FXR2: variants seen among roughly 807,000 people sequenced by gnomAD.
The protein encoded by FXR2 is FMR1 autosomal homolog 2.
Under a neutral mutation model 87.3 loss-of-function variants are expected in FXR2, and 9 were observed. The ratio of observed to expected loss-of-function variants is 0.10; its 90% CI spans 0.06 to 0.18. The LOEUF (loss-of-function observed/expected upper bound fraction) is 0.18. Among genes scored for constraint, FXR2 ranks in the 10% least tolerant of loss-of-function variants. FXR2 has a pLI of 1.00. For missense variants in FXR2, 661 were observed against 893.6 expected (o/e 0.74, Z 3.32); for synonymous variants, 331 against 328.3 (o/e 1.01, Z -0.09).
intron 6 of FXR2, among the ~76,000 whole-genome samples, chr17:7,602,287 C>T (rs1189270054): frequency 6.6e-5 from 10 of 151,892 alleles, no homozygotes; most frequent in African/African-American, 1.9e-4. Flanking sequence ...CCGGGCATGT[C>T]GGGCGCGGTG....
At chr17:7,609,935 T>C (rs59159128) in intron 1 of FXR2, among the ~76,000 whole-genome samples, 10,691 of 104,252 alleles carry the variant, frequency 0.1, 627 homozygotes, top group Non-Finnish European at 0.13. Flanking sequence ...TATATGTATA[T>C]ATATACATGT....
intron 1 of FXR2, among the ~76,000 whole-genome samples, chr17:7,607,380 CT>C (rs2071811605): frequency 2.0e-5 from 3 of 151,398 alleles, no homozygotes; most frequent in Admixed American, 2.0e-4. Context: ...CAAAGGTTTT[CT>C]CTTATGTCTT....
At chr17:7,607,686 C>T (rs1371262210) in intron 1 of FXR2, among the ~76,000 whole-genome samples, 2 of 152,142 alleles carry the variant, frequency 1.3e-5, no homozygotes, top group Admixed American at 6.6e-5. Context: ...GCCTCAGCCT[C>T]CCAAAGCTGG....
chr17:7,600,592 G>A (rs1194023914), intron 7 of FXR2, among the ~76,000 whole-genome samples: 2 of 152,148 alleles, frequency 1.3e-5, no homozygotes, highest in African/African-American at 4.8e-5. Context: ...GAGCCTAGAA[G>A]TTCAAGACCA....
rs375459323 is a variant in FXR2 at position 7,602,994 on chromosome 17, T to C, written c.458A>G (p.Asn153Ser). The change falls in exon 6 of 17, where the codon AAT becomes AGT. Residue 153 changes from asparagine to serine, a missense_variant. Asn to Ser is a conservative substitution (Grantham distance 46). Around this residue, in one of 3 missense-constraint regions of FXR2, gnomAD observed 170 missense variants for 247.2 expected, o/e 0.69. Coordinates refer to ENST00000250113, the MANE Select transcript of FXR2 (RefSeq NM_004860.4). ...VPEDLREACS[N>S]ENVHKEFKKA... Reference sequence around the variant, plus strand: ...CTTGAACTCTTTATGGACGTTTTCATTGGAGCAGCTGCAGAGGAAAAAAGT... The same window carrying C: ...CTTGAACTCTTTATGGACGTTTTCACTGGAGCAGCTGCAGAGGAAAAAAGT... 32 of 1,560,124 alleles carry C rather than the reference T, an allele frequency of 2.1e-5. No individual in the cohort carries two copies. The highest frequency in any genetic ancestry group is 6.7e-5 in the East Asian group (3 of 44,548).
At chr17:7,597,727 G>C (rs1036986604) in intron 7 of FXR2, among the ~76,000 whole-genome samples, 9 of 151,942 alleles carry the variant, frequency 5.9e-5, no homozygotes, top group African/African-American at 2.2e-4. Flanking sequence ...GTTTTTAGAG[G>C]CTTCACTACT....
chr17:7,600,462 C>T (rs942824019), intron 7 of FXR2, among the ~76,000 whole-genome samples: 1 of 150,866 alleles, frequency 6.6e-6, no homozygotes, highest in African/African-American at 2.4e-5. Context: ...TAAAGTGCTG[C>T]GATTAAAGGC....
In FXR2 at chr17:7,614,653, G is replaced by C. The variant is rs1298760483; in HGVS notation, c.-121C>G. On this transcript the variant is annotated 5_prime_UTR_variant, in exon 1 of 17. Coordinates refer to ENST00000250113, the MANE Select transcript of FXR2 (RefSeq NM_004860.4). The stretch of plus-strand genomic sequence containing the variant: ...CCGGAGGGGGAGCCGCGGGGGGCGG[G>C]AGCCGGGCCGGCCCCACGGCGGCCC... The C allele has an allele frequency of 8.4e-6, 4 of 474,974 alleles. No individual in the cohort carries two copies. In the East Asian group the frequency reaches 1.6e-4, roughly 19 times the overall value. The allele number at this position is 474,974 out of a possible 1,614,324, so 29.4% of individuals were successfully genotyped here.
chr17:7,614,171 C>T, intron 1 of FXR2: 1 of 650,312 alleles, frequency 1.5e-6, no homozygotes, highest in South Asian at 1.5e-5. Flanking sequence ...GGGGTCTCTC[C>T]TGCGGAGCGG....
rs2071662720 is a variant in FXR2 at position 7,591,754 on chromosome 17, G to C, written c.*76C>G. On this transcript the variant is annotated 3_prime_UTR_variant, in exon 17 of 17. Transcript: ENST00000250113. This position sits in a 1 kb window ranked among gnomAD's most constrained non-coding sequence, Gnocchi z 4.0. ...CCTAGATAAGAGCAGCTCCAGCGCA[G>C]GTCAGTTGGGCCTGTGAGGGCCATG... 3.6e-6 allele frequency: 3 copies of C among 835,958 alleles called. No individual in the cohort carries two copies. Among genetic ancestry groups the C allele is most frequent in the Non-Finnish European group, 4.1e-6 (2 of 482,256 alleles). The allele number at this position is 835,958 out of a possible 1,614,324, so 51.8% of individuals were successfully genotyped here.
chr17:7,593,571 T>A lies in FXR2; in HGVS notation c.1162A>T (p.Ile388Phe). ...CCAGGAGGGCGAAAGCCCAGCCCAA[T>A]CTGCCGAAGCTGCTCATCAATTTGT... Reference protein sequence around the residue: ...RLQIDEQLRQIGLGFRPPGSG... With the variant: ...RLQIDEQLRQFGLGFRPPGSG... The change falls in exon 12 of 17, where the codon ATT becomes TTT. Residue 388 changes from isoleucine to phenylalanine, a missense_variant. By Grantham distance (21) the Ile-to-Phe change is conservative. Transcript: ENST00000250113. The surrounding 1 kb of genome is among the most constrained non-coding windows in gnomAD (Gnocchi z 6.1). 6.3e-7 allele frequency: 1 copy of A among 1,598,152 alleles called. No individual in the cohort carries two copies. The highest frequency in any genetic ancestry group is 8.5e-7 in the Non-Finnish European group (1 of 1,173,712).
At position 7,591,987 on chromosome 17, in the gene FXR2, G is replaced by A; in HGVS notation, c.1927-62C>T. The A allele has an allele frequency of 8.2e-7, 1 of 1,225,612 alleles. No individual in the cohort carries two copies. The highest frequency in any genetic ancestry group is 1.4e-5 in the South Asian group (1 of 73,114). The allele number at this position is 1,225,612 out of a possible 1,614,324, so 75.9% of individuals were successfully genotyped here. A position where few individuals can be genotyped will look rare whatever the true frequency, so the allele number is the denominator to read the frequency against. ...AAGCGGTGAGTAGAAATTCAGGTGG[G>A]AGACATTCCCTACCATCCAAGCCCT... On this transcript the variant is annotated intron_variant, in intron 16 of 16. Coordinates refer to ENST00000250113, the MANE Select transcript of FXR2 (RefSeq NM_004860.4). The surrounding 1 kb of genome is among the most constrained non-coding windows in gnomAD (Gnocchi z 4.0).
In FXR2 at chr17:7,593,094, G is replaced by T; in HGVS notation, c.1418C>A (p.Pro473His). The T allele has an allele frequency of 6.3e-7, 1 of 1,594,524 alleles. No homozygotes were observed. The highest frequency in any genetic ancestry group is 8.5e-7 in the Non-Finnish European group (1 of 1,171,250). Reference sequence around the variant, plus strand: ...CCGGCTTTCTTCCCCTCGGGTTGGGGGATCCCTGTCGCCAGGCCCAGCTCG... The same window carrying T: ...CCGGCTTTCTTCCCCTCGGGTTGGGTGATCCCTGTCGCCAGGCCCAGCTCG... ...PNRAGPGDRD[P>H]PTRGEESRRR... The change falls in exon 13 of 17, where the codon CCC (proline) becomes CAC (histidine). Residue 473 changes from proline (P) to histidine (H), a missense_variant. This residue lies in a region of FXR2 where 409 missense variants were observed against 432.0 expected (regional missense o/e 0.95). Transcript: ENST00000250113. The surrounding 1 kb of genome is among the most constrained non-coding windows in gnomAD (Gnocchi z 6.1).
At chr17:7,606,619 T>G (rs1362133693) in intron 1 of FXR2, among the ~76,000 whole-genome samples, 2 of 152,188 alleles carry the variant, frequency 1.3e-5, no homozygotes, top group African/African-American at 4.8e-5. Context: ...CTCGCTGCCC[T>G]GATGCATGGG....
chr17:7,607,572 C>A (rs1012233911), intron 1 of FXR2, among the ~76,000 whole-genome samples: 2 of 151,764 alleles, frequency 1.3e-5, no homozygotes, highest in Non-Finnish European at 2.9e-5. Flanking sequence ...AGATTACAGG[C>A]AACCGCCACC....
chr17:7,604,026 G>A lies in FXR2; in HGVS notation c.283C>T (p.Arg95Trp), dbSNP rs2071781416. 2 of 1,587,744 alleles carry A rather than the reference G, an allele frequency of 1.3e-6. No individual in the cohort carries two copies. The highest frequency in any genetic ancestry group is 1.1e-5 in the South Asian group (1 of 87,252). Residue 95 changes from arginine (R) to tryptophan (W), a missense_variant, in exon 4 of 17, where the codon CGG becomes TGG. Around this residue, in one of 3 missense-constraint regions of FXR2, gnomAD observed 170 missense variants for 247.2 expected, o/e 0.69. Coordinates refer to ENST00000250113, the MANE Select transcript of FXR2 (RefSeq NM_004860.4). ...TCACTCACATCTCCCTTCATCATCCGCACCCGGGCCAGCCACCAGCCACAA... is the reference window on the plus strand; with the variant it reads ...TCACTCACATCTCCCTTCATCATCCACACCCGGGCCAGCCACCAGCCACAA... The part of the protein sequence containing the change: ...EPCGWWLARV[R>W]MMKGDFYVIE...
rs755230428 is a variant in FXR2, at chr17:7,591,918, G to C, written c.1934C>G (p.Ser645Cys). 1 of 1,575,754 alleles carries C rather than the reference G, an allele frequency of 6.3e-7. No individual in the cohort carries two copies. The highest frequency in any genetic ancestry group is 1.1e-5 in the South Asian group (1 of 90,214). ...GGGGCCCTTAGGAAGCTTGCTGACA[G>C]AGTCACCCTGAGGGGAAAGTGGGAA... ...EDSLSGQKGD[S>C]VSKLPKGPSE... Residue 645 changes from serine (S) to cysteine (C), a missense_variant, in exon 17 of 17, where the codon TCT becomes TGT. Coordinates refer to ENST00000250113, the MANE Select transcript of FXR2 (RefSeq NM_004860.4). The surrounding 1 kb of genome is among the most constrained non-coding windows in gnomAD (Gnocchi z 4.0).
At position 7,593,678 on chromosome 17, in the gene FXR2, G is replaced by T. The variant is rs2150940421; in HGVS notation, c.1108-53C>A. On this transcript the variant is annotated intron_variant, in intron 11 of 16. Coordinates refer to ENST00000250113, the MANE Select transcript of FXR2 (RefSeq NM_004860.4). This position sits in a 1 kb window ranked among gnomAD's most constrained non-coding sequence, Gnocchi z 6.1. Reference sequence around the variant, plus strand: ...GAAGGAGAAATAAGATCAGTGCCTTGCTTCATGCTTCTGCACCCTGACTGT... The same window carrying T: ...GAAGGAGAAATAAGATCAGTGCCTTTCTTCATGCTTCTGCACCCTGACTGT... 1 of 1,222,134 alleles carries T rather than the reference G, an allele frequency of 8.2e-7. No individual in the cohort carries two copies. The highest frequency in any genetic ancestry group is 1.2e-6 in the Non-Finnish European group (1 of 853,882). 75.7% of individuals were successfully genotyped at this position (1,222,134 alleles called of 1,614,324 possible).
Position 7,595,733 on chromosome 17 carries a change from C to T in FXR2, c.831+91G>A. 1 of 994,588 alleles carries T rather than the reference C, an allele frequency of 1.0e-6. No individual in the cohort carries two copies. Among genetic ancestry groups the T allele is most frequent in the Non-Finnish European group, 1.5e-6 (1 of 656,720 alleles). 61.6% of individuals were successfully genotyped at this position (994,588 alleles called of 1,614,324 possible). On this transcript the variant is annotated intron_variant, in intron 8 of 16. Coordinates refer to ENST00000250113, the MANE Select transcript of FXR2 (RefSeq NM_004860.4). The surrounding 1 kb of genome is among the most constrained non-coding windows in gnomAD (Gnocchi z 4.7). ...AAGGTGCTGGGATTACAGGTGTGAG[C>T]CACTGTGCCCAGTTTGAGGCTTATT...
Sources: allele counts gnomAD v4.1 joint callset (sites outside exome capture counted in the v4.1 genomes callset), GRCh38; gene constraint gnomAD v4.1.1; regional missense constraint gnomAD v4.1.1; non-coding constraint Gnocchi (gnomAD v3.1); transcripts MANE v1.5; gene names NCBI Gene and HGNC (gene_info 2026-07-23, HGNC 2026-07-21).